The following NKAIN1 variants were observed in gnomAD, a reference collection of about 807,000 sequenced individuals.
NKAIN1 encodes sodium/potassium transporting ATPase interacting 1.
Under a neutral mutation model 31.6 loss-of-function variants are expected in NKAIN1, and 13 were observed. That is an observed-to-expected ratio of 0.41 (90% CI 0.27 to 0.65). The LOEUF (loss-of-function observed/expected upper bound fraction) is 0.65. Among genes scored for constraint, NKAIN1 ranks in the 30% least tolerant of loss-of-function variants. NKAIN1 has a pLI of 0.30. For missense variants in NKAIN1, 193 were observed against 262.2 expected, an observed-to-expected ratio of 0.74 and a Z score of 1.82; for synonymous variants, 104 against 109.0, an observed-to-expected ratio of 0.95 and a Z score of 0.28.
chr1:31,218,068 C>CTTTCTTTCTTTCTTTCTTTT (rs71569970), intron 1 of NKAIN1, among the ~76,000 whole-genome samples: 1 of 132,936 alleles, frequency 7.5e-6, no homozygotes, highest in East Asian at 2.4e-4. Flanking sequence ...TTCTTTCTTT[C>CTTTCTTTCTTTCTTTCTTTT]TTTTTTTTTT....
At chr1:31,191,406 T>TG (rs1289275245) in intron 1 of NKAIN1, among the ~76,000 whole-genome samples, 2 of 151,362 alleles carry the variant, frequency 1.3e-5, no homozygotes, top group African/African-American at 4.8e-5. Context: ...AGAGGTTTTT[T>TG]TTTTTTTTTT....
At chr1:31,228,268 T>C (rs892463178) in intron 1 of NKAIN1, among the ~76,000 whole-genome samples, 3 of 152,142 alleles carry the variant, frequency 2.0e-5, no homozygotes, top group Non-Finnish European at 2.9e-5. Flanking sequence ...AAAAACAGGC[T>C]TAGGAACCAA....
chr1:31,193,434 C>G (rs1192278945), intron 1 of NKAIN1, among the ~76,000 whole-genome samples: 1 of 151,796 alleles, frequency 6.6e-6, no homozygotes, highest in African/African-American at 2.4e-5. Context: ...CAGTGGCTCA[C>G]ACTTGTAATA....
intron 1 of NKAIN1, among the ~76,000 whole-genome samples, chr1:31,193,268 C>G (rs1645300109): frequency 6.6e-6 from 1 of 150,778 alleles, no homozygotes; most frequent in Non-Finnish European, 1.5e-5. Context: ...CGGGTTTTCA[C>G]CATGTTAGCC....
At chr1:31,185,582 C>T (rs1202481305) in intron 2 of NKAIN1, among the ~76,000 whole-genome samples, 1 of 152,152 alleles carries the variant, frequency 6.6e-6, no homozygotes, top group East Asian at 1.9e-4. Context: ...TCTAAGATCA[C>T]ACAGCTAGGA....
chr1:31,190,741 C>T lies in NKAIN1; in HGVS notation c.55-2554G>A, dbSNP rs575576069. ...TCAGCTGCTGGCCTTGGGGGAGAAA[C>T]TCCCCAGGCTTGTCCAGGGGCCTCT... On this transcript the variant is annotated intron_variant, in intron 1 of 6. Transcript: ENST00000373736. 1.9e-3 allele frequency among the ~76,000 whole-genome samples: 283 copies of T among 152,292 alleles called. 3 individuals carry two copies. The highest frequency in any genetic ancestry group is 0.017 in the Middle Eastern group (5 of 294).
intron 1 of NKAIN1, among the ~76,000 whole-genome samples, chr1:31,232,426 GAGAGAGAGA>G (rs1557664487): frequency 0.052 from 654 of 12,516 alleles, 98 homozygotes; most frequent in African/African-American, 0.14. Flanking sequence ...TATATATATA[GAGAGAGAGA>G]GAGAGAGAGA....
chr1:31,218,963 G>A (rs1458231939), intron 1 of NKAIN1, among the ~76,000 whole-genome samples: 2 of 152,200 alleles, frequency 1.3e-5, no homozygotes, highest in African/African-American at 4.8e-5. Flanking sequence ...GGCATCACCC[G>A]AGGCTGATCA....
In NKAIN1 at chr1:31,233,935, T is replaced by TGTA. The variant is rs892619698; in HGVS notation, c.54+5556_54+5558dup. Among the ~76,000 whole-genome samples the TGTA allele has an allele frequency of 1.3e-5, 2 of 152,236 alleles. No homozygotes were observed. Among genetic ancestry groups the TGTA allele is most frequent in the African/African-American group, 4.8e-5 (2 of 41,464 alleles). ...TCACAAAGCAAGGCCTGATCCCAGA[T>TGTA]GTAGTGCTCCTAGCCCCTGTGCCAG... On this transcript the variant is annotated intron_variant, in intron 1 of 6. Coordinates refer to ENST00000373736, the MANE Select transcript of NKAIN1 (RefSeq NM_024522.3). The surrounding 1 kb of genome is among the most constrained non-coding windows in gnomAD (Gnocchi z 4.0).
chr1:31,238,562 T>C (rs875787), intron 1 of NKAIN1, among the ~76,000 whole-genome samples: 117,810 of 152,076 alleles, frequency 0.77, 46,251 homozygotes, highest in Middle Eastern at 0.88. Context: ...TGAAGGGCAG[T>C]GCTGTTTCTT....
At chr1:31,205,919 G>A (rs1243874330) in intron 1 of NKAIN1, among the ~76,000 whole-genome samples, 1 of 150,136 alleles carries the variant, frequency 6.7e-6, no homozygotes, top group Non-Finnish European at 1.5e-5. Context: ...CACCGCGCCC[G>A]GCCCAGACAA....
chr1:31,208,248 G>C (rs1470306592), intron 1 of NKAIN1, among the ~76,000 whole-genome samples: 3 of 152,140 alleles, frequency 2.0e-5, no homozygotes, highest in Admixed American at 2.0e-4. Flanking sequence ...CAGAGTCACT[G>C]TGACACTAAA....
chr1:31,190,352 G>C (rs1344088720), intron 1 of NKAIN1, among the ~76,000 whole-genome samples: 2 of 152,178 alleles, frequency 1.3e-5, no homozygotes, highest in African/African-American at 4.8e-5. Flanking sequence ...CCAGGGATGT[G>C]CAGATTGTAA....
At chr1:31,206,901 G>T (rs80017408) in intron 1 of NKAIN1, among the ~76,000 whole-genome samples, 6,116 of 152,032 alleles carry the variant, frequency 0.04, 342 homozygotes, top group African/African-American at 0.12. Flanking sequence ...GCTCAGCTAG[G>T]TTATGTATTT....
chr1:31,188,304 CAGAACA>C, intron 1 of NKAIN1, 117 bp from the exon 2 acceptor site: 8 of 1,084,552 alleles, frequency 7.4e-6, no homozygotes, highest in South Asian at 1.6e-5. Flanking sequence ...GCATAAGCCT[CAGAACA>C]ATCCAGTCCT....
intron 1 of NKAIN1, among the ~76,000 whole-genome samples, chr1:31,208,669 A>G (rs1043555982): frequency 5.9e-5 from 9 of 152,058 alleles, no homozygotes; most frequent in African/African-American, 2.2e-4. Flanking sequence ...GTAAGTGCAC[A>G]GTTTGTTAGG....
intron 1 of NKAIN1, among the ~76,000 whole-genome samples, chr1:31,213,238 A>G (rs12033154): frequency 0.68 from 102,719 of 151,754 alleles, 35,583 homozygotes; most frequent in Middle Eastern, 0.86. Context: ...TTTGCAATTC[A>G]CCAGTAAATA....
intron 1 of NKAIN1, among the ~76,000 whole-genome samples, chr1:31,208,941 C>T (rs1156884382): frequency 6.6e-6 from 1 of 152,140 alleles, no homozygotes; most frequent in Admixed American, 6.5e-5. Context: ...AACTCCTACC[C>T]TTCTCACCTC....
At chr1:31,188,453 T>C (rs930460187) in intron 1 of NKAIN1, 8 of 396,312 alleles carry the variant, frequency 2.0e-5, no homozygotes, top group Non-Finnish European at 3.7e-5. Context: ...CGGCTCAAGC[T>C]CCTGCACCTT....
Sources: allele counts gnomAD v4.1 joint callset (sites outside exome capture counted in the v4.1 genomes callset), GRCh38; gene constraint gnomAD v4.1.1; non-coding constraint Gnocchi (gnomAD v3.1); transcripts MANE v1.5; gene names NCBI Gene and HGNC (gene_info 2026-07-23, HGNC 2026-07-21).